ZNF224: variants seen among roughly 807,000 people sequenced by gnomAD.
ZNF224 encodes zinc finger protein 224.
ZNF224 carries 8 observed loss-of-function variants against 10.5 expected under a neutral mutation model. The observed-to-expected ratio is 0.76, with a 90% CI of 0.45 to 1.37. ZNF224 has a LOEUF of 1.37. Ranked by LOEUF, ZNF224 falls within the 40% of genes most tolerant of loss-of-function variation. The probability of loss-of-function intolerance (pLI) is 0.00; values close to 1 mark genes in which losing one functional copy is unlikely to be tolerated. For synonymous variants in ZNF224, 282 were observed against 287.8 expected, an observed-to-expected ratio of 0.98 and a Z score of 0.20; for missense variants, 754 against 854.0, an observed-to-expected ratio of 0.88 and a Z score of 1.46.
chr19:44,101,831 A>G (rs535608935), intron 5 of ZNF224, among the ~76,000 whole-genome samples: 1 of 152,248 alleles, frequency 6.6e-6, no homozygotes, highest in African/African-American at 2.4e-5. Flanking sequence ...GTGTCTAGGC[A>G]CTGTCCATAC....
At chr19:44,106,350 A>G in intron 5 of ZNF224, 46 bp from the exon 6 acceptor site, 1 of 1,602,536 alleles carries the variant, frequency 6.2e-7, no homozygotes, top group Non-Finnish European at 8.5e-7. Flanking sequence ...ATAACACTGA[A>G]CAAAGGCTTC....
intron 5 of ZNF224, among the ~76,000 whole-genome samples, chr19:44,102,812 AG>A (rs1967576255): frequency 6.6e-6 from 1 of 152,208 alleles, no homozygotes; most frequent in African/African-American, 2.4e-5. Flanking sequence ...CTCTTCTACA[AG>A]GGGAAAAAAT....
Position 44,108,823 on chromosome 19 carries a change from A to AG in ZNF224, c.*542dup, listed in dbSNP as rs1555775821. 2.3e-6 allele frequency: 1 copy of AG among 431,654 alleles called. No individual in the cohort carries two copies. The highest frequency in any genetic ancestry group is 4.9e-6 in the Non-Finnish European group (1 of 204,222). The allele number at this position is 431,654 out of a possible 1,614,324, so 26.7% of individuals were successfully genotyped here. On this transcript the variant is annotated 3_prime_UTR_variant, in exon 6 of 6. Coordinates refer to ENST00000693561, the MANE Select transcript of ZNF224 (RefSeq NM_001321645.3). Reference sequence around the variant, plus strand: ...TGGATACAATTTTGTGTATCCAAAAAGGGAAGCCTGCAAAAAATAATTCTG... The same window carrying AG: ...TGGATACAATTTTGTGTATCCAAAAAGGGGAAGCCTGCAAAAAATAATTCTG...
intron 5 of ZNF224, chr19:44,106,186 G>A (rs186366764): frequency 1.6e-5 from 9 of 579,422 alleles, no homozygotes; most frequent in Admixed American, 3.3e-5. Flanking sequence ...ATTGTTTTTC[G>A]TCTTTTATTT....
rs371164802 is a variant in ZNF224 at position 44,107,725 on chromosome 19, A to G, written c.1565A>G (p.Asn522Ser). Residue 522 changes from asparagine (N) to serine (S), a missense_variant, in exon 6 of 6, where the codon AAT becomes AGT. Coordinates refer to ENST00000693561, the MANE Select transcript of ZNF224 (RefSeq NM_001321645.3). ...YKCEKCGKGY[N>S]SKFNLDMHQK... is the part of the protein sequence containing the mutation. ...TGTGAGAAGTGTGGAAAGGGCTACA[A>G]TAGTAAGTTTAATCTTGATATGCAC... The G allele has an allele frequency of 6.2e-6, 10 of 1,609,812 alleles. No individual in the cohort carries two copies. Among genetic ancestry groups the G allele is most frequent in the Non-Finnish European group, 7.6e-6 (9 of 1,178,922 alleles).
At position 44,108,095 on chromosome 19, in the gene ZNF224, TCA is replaced by T. The variant is rs761096661; in HGVS notation, c.1938_1939del (p.His646GlnfsTer9). ...NSFSKVQEKV[H>X]SVEKPYKCED... The stretch of plus-strand genomic sequence containing the variant: ...CATTCTCTAAAGTGCAAGAAAAAGT[TCA>T]CAGTGTAGAAAAGCCATACAAATGT... On this transcript the variant is annotated frameshift_variant, in exon 6 of 6. Coordinates refer to ENST00000693561, the MANE Select transcript of ZNF224 (RefSeq NM_001321645.3). LOFTEE classifies it low-confidence loss of function (END_TRUNC). 8 of 1,611,790 alleles carry T rather than the reference TCA, an allele frequency of 5.0e-6. No homozygotes were observed. The African/African-American group carries it at 9.4e-5, about 19-fold the overall frequency.
Position 44,107,929 on chromosome 19 carries a change from A to T in ZNF224, c.1769A>T (p.His590Leu), listed in dbSNP as rs767685609. 6.2e-7 allele frequency: 1 copy of T among 1,614,222 alleles called. No homozygotes were observed. Among genetic ancestry groups the T allele is most frequent in the Admixed American group, 1.7e-5 (1 of 60,026 alleles). Residue 590 changes from histidine (H) to leucine (L), a missense_variant, in exon 6 of 6, where the codon CAC becomes CTC. By Grantham distance (99) the His-to-Leu change is moderately conservative. Transcript: ENST00000693561. ...CAGCTTCATTCTCATCAAAGAGTGC[A>T]CACTGGAGAAAAGCCATACAAATGT... ...NSQLHSHQRV[H>L]TGEKPYKCDE...
chr19:44,107,399 A>T lies in ZNF224; in HGVS notation c.1239A>T (p.Ser413=), dbSNP rs1324705764. ...GTGGGAAAGGATTTTACACAAATTCACAATGCTATTCCCACCAGAGATCCC... is the reference window on the plus strand; with the variant it reads ...GTGGGAAAGGATTTTACACAAATTCTCAATGCTATTCCCACCAGAGATCCC... ...EECGKGFYTN[S]QCYSHQRSHS... Residue 413 remains serine (S), a synonymous_variant, in exon 6 of 6, where the codon TCA becomes TCT. Coordinates refer to ENST00000693561, the MANE Select transcript of ZNF224 (RefSeq NM_001321645.3). The T allele has an allele frequency of 6.2e-7, 1 of 1,608,104 alleles. No individual in the cohort carries two copies. Among genetic ancestry groups the T allele is most frequent in the South Asian group, 1.1e-5 (1 of 89,994 alleles).
At chr19:44,104,129 C>A (rs1200496916) in intron 5 of ZNF224, among the ~76,000 whole-genome samples, 1 of 152,198 alleles carries the variant, frequency 6.6e-6, no homozygotes, top group African/African-American at 2.4e-5. Context: ...CCTTTCTTTA[C>A]CCCTGTCAGG....
intron 1 of ZNF224, chr19:44,096,099 A>G (rs958399698): frequency 1.3e-4 from 20 of 152,120 alleles, no homozygotes; most frequent in Non-Finnish European, 2.9e-5. Flanking sequence ...GTGTTTAACT[A>G]TGGAAATTTC....
rs1165649534 is a variant in ZNF224 at position 44,107,884 on chromosome 19, A to G, written c.1724A>G (p.Lys575Arg). 1.2e-6 allele frequency: 2 copies of G among 1,601,228 alleles called. 1 individual carries two copies. The highest frequency in any genetic ancestry group is 3.3e-4 in the Middle Eastern group (2 of 5,998). Residue 575 changes from lysine to arginine, a missense_variant, in exon 6 of 6, where the codon AAA becomes AGA. Coordinates refer to ENST00000693561, the MANE Select transcript of ZNF224 (RefSeq NM_001321645.3). ...EKPFKCEECG[K>R]RFTQNSQLHS... Reference sequence around the variant, plus strand: ...CCATTCAAATGTGAAGAGTGTGGGAAAAGATTTACTCAGAATTCACAGCTT... The same window carrying G: ...CCATTCAAATGTGAAGAGTGTGGGAGAAGATTTACTCAGAATTCACAGCTT...
intron 3 of ZNF224, 104 bp from the exon 4 acceptor site, chr19:44,100,697 G>A: frequency 7.0e-7 from 1 of 1,424,996 alleles, no homozygotes; most frequent in Non-Finnish European, 9.5e-7. Context: ...TGTCTCTCAA[G>A]ATCCAAAACA....
Position 44,108,298 on chromosome 19 carries a change from C to T in ZNF224, c.*14C>T. On this transcript the variant is annotated 3_prime_UTR_variant, in exon 6 of 6. Transcript: ENST00000693561. ...GAAAAACCTTAGTGATGTGATGGTGCAATAAAGTCTTCACTCAGTCTTCAT... is the reference window on the plus strand; with the variant it reads ...GAAAAACCTTAGTGATGTGATGGTGTAATAAAGTCTTCACTCAGTCTTCAT... The T allele has an allele frequency of 6.3e-7, 1 of 1,590,090 alleles. No individual in the cohort carries two copies. The highest frequency in any genetic ancestry group is 8.6e-7 in the Non-Finnish European group (1 of 1,168,380).
intron 1 of ZNF224, chr19:44,096,032 T>C (rs10402073): frequency 2.0e-5 from 3 of 152,060 alleles, no homozygotes; most frequent in Non-Finnish European, 2.9e-5. Flanking sequence ...TATTTATAGG[T>C]TTATTTATGA....
chr19:44,102,426 A>C (rs1967568544), intron 5 of ZNF224, among the ~76,000 whole-genome samples: 1 of 152,218 alleles, frequency 6.6e-6, no homozygotes, highest in African/African-American at 2.4e-5. Context: ...TGGTCCTGGT[A>C]CATGGCAGGT....
Position 44,108,770 on chromosome 19 carries a change from A to G in ZNF224, c.*486A>G, listed in dbSNP as rs187629286. 7 of 513,160 alleles carry G rather than the reference A, an allele frequency of 1.4e-5. No homozygotes were observed. The highest frequency in any genetic ancestry group is 5.8e-5 in the African/African-American group (3 of 52,032). The allele number at this position is 513,160 out of a possible 1,614,324, so 31.8% of individuals were successfully genotyped here. A position where few individuals can be genotyped will look rare whatever the true frequency, so the allele number is the denominator to read the frequency against. Reference sequence around the variant, plus strand: ...TGTTCAGTACTTGTTTGTTAAATCAATGAAAGGATAAAACATATGTATGGA... The same window carrying G: ...TGTTCAGTACTTGTTTGTTAAATCAGTGAAAGGATAAAACATATGTATGGA... On this transcript the variant is annotated 3_prime_UTR_variant, in exon 6 of 6. Coordinates refer to ENST00000693561, the MANE Select transcript of ZNF224 (RefSeq NM_001321645.3).
chr19:44,100,810 AC>A lies in ZNF224; in HGVS notation c.27del (p.Phe10SerfsTer27), dbSNP rs1430039994. 1 of 1,613,550 alleles carries A rather than the reference AC, an allele frequency of 6.2e-7. No homozygotes were observed. Among genetic ancestry groups the A allele is most frequent in the Non-Finnish European group, 8.5e-7 (1 of 1,179,800 alleles). On this transcript the variant is annotated frameshift_variant, in exon 4 of 6. Transcript: ENST00000693561. LOFTEE classifies it high-confidence loss of function. ...ATGTTTGATGCTATAGGAGGCAATG[AC>A]CTTCAAGGACGTGGCTGTGGTCTTC... is the stretch of plus-strand genomic sequence containing the variant. MTTFKEAM[T>X]FKDVAVVFTE...
At chr19:44,105,441 A>G (rs1967635865) in intron 5 of ZNF224, 1 of 152,226 alleles carries the variant, frequency 6.6e-6, no homozygotes, top group African/African-American at 2.4e-5. Flanking sequence ...TGATTAGGAA[A>G]TTCACTAGGA....
chr19:44,101,844 C>T (rs1052203707), intron 5 of ZNF224, among the ~76,000 whole-genome samples: 1 of 152,172 alleles, frequency 6.6e-6, no homozygotes, highest in Non-Finnish European at 1.5e-5. Context: ...GTCCATACTC[C>T]TTGGCTCTTG....
Sources: gnomAD v4.1 joint callset for allele counts (sites outside exome capture counted in the v4.1 genomes callset) on GRCh38, gnomAD v4.1.1 for gene constraint, MANE v1.5 for transcripts, NCBI Gene and HGNC (gene_info 2026-07-23, HGNC 2026-07-21) for gene names.